The following RALGPS2 variants were observed in gnomAD, a reference collection of about 807,000 sequenced individuals.
RALGPS2 encodes the protein ras-specific guanine nucleotide-releasing factor RalGPS2.
In RALGPS2, 43 loss-of-function variants were observed where a neutral mutation model predicts 86.8. That is an observed-to-expected ratio of 0.50 (90% CI 0.39 to 0.64). The LOEUF is 0.64. Among genes scored for constraint, RALGPS2 ranks in the 30% least tolerant of loss-of-function variants. The pLI is 0.00. For missense variants in RALGPS2, 536 were observed against 694.6 expected, an observed-to-expected ratio of 0.77 and a Z score of 2.57; for synonymous variants, 243 against 231.3, an observed-to-expected ratio of 1.05 and a Z score of -0.46.
At chr1:178,781,494 TC>T (rs1653392981) in intron 2 of RALGPS2, among the ~76,000 whole-genome samples, 3 of 152,200 alleles carry the variant, frequency 2.0e-5, no homozygotes, top group African/African-American at 4.8e-5. Context: ...TTATTGCTAT[TC>T]TCCTGGTGAA....
chr1:178,765,287 G>A (rs1652443637), intron 1 of RALGPS2, among the ~76,000 whole-genome samples: 1 of 151,892 alleles, frequency 6.6e-6, no homozygotes, highest in African/African-American at 2.4e-5. Flanking sequence ...ATGTCGGCCA[G>A]TCTGAGAAAT....
At chr1:178,783,781 G>A (rs1178298438) in intron 2 of RALGPS2, among the ~76,000 whole-genome samples, 1 of 152,166 alleles carries the variant, frequency 6.6e-6, no homozygotes, top group East Asian at 1.9e-4. Context: ...CACAGACGAA[G>A]TGGAAAATTT....
At chr1:178,740,505 G>T (rs1173975983) in intron 1 of RALGPS2, among the ~76,000 whole-genome samples, 1 of 152,192 alleles carries the variant, frequency 6.6e-6, no homozygotes, top group Non-Finnish European at 1.5e-5. Context: ...AGATGTGTTG[G>T]TGTAGAGTCC....
intron 2 of RALGPS2, among the ~76,000 whole-genome samples, chr1:178,783,211 G>A (rs1558117506): frequency 1.3e-5 from 2 of 152,124 alleles, no homozygotes; most frequent in Non-Finnish European, 2.9e-5. Flanking sequence ...CAAAAACGAA[G>A]AATGCCTTTG....
chr1:178,834,971 T>C (rs183644528), intron 8 of RALGPS2, among the ~76,000 whole-genome samples: 46 of 152,180 alleles, frequency 3.0e-4, no homozygotes, highest in African/African-American at 1.0e-3. Context: ...AGAGACAGGG[T>C]TTCGCCATGT....
intron 1 of RALGPS2, among the ~76,000 whole-genome samples, chr1:178,748,586 C>T (rs1651471981): frequency 6.6e-6 from 1 of 150,510 alleles, no homozygotes; most frequent in Non-Finnish European, 1.5e-5. Context: ...GGCACGGTGG[C>T]TCACGCCTGT....
intron 8 of RALGPS2, among the ~76,000 whole-genome samples, chr1:178,866,001 G>C (rs1658380884): frequency 6.6e-6 from 1 of 152,056 alleles, no homozygotes; most frequent in South Asian, 2.1e-4. Flanking sequence ...TAAAGATTAG[G>C]TTTCAGAGAA....
At chr1:178,892,480 A>G (rs148759309) in intron 15 of RALGPS2, among the ~76,000 whole-genome samples, 173 bp downstream of exon 15, 40 of 152,266 alleles carry the variant, frequency 2.6e-4, no homozygotes, top group African/African-American at 8.2e-4. Context: ...ATAAATTTCA[A>G]CTATTCTTTC....
At chr1:178,785,764 G>A (rs770271168) in intron 4 of RALGPS2, among the ~76,000 whole-genome samples, 157 bp downstream of exon 4, 9 of 151,984 alleles carry the variant, frequency 5.9e-5, no homozygotes, top group African/African-American at 9.7e-5. Context: ...AGAAACCCAC[G>A]TGGCATTCAT....
rs535463259 is a variant in RALGPS2, at chr1:178,887,306, A to G, written c.1192+1186A>G. Among the ~76,000 whole-genome samples the G allele has an allele frequency of 1.8e-4, 28 of 152,212 alleles. No homozygotes were observed. In the South Asian group the frequency reaches 4.8e-3, roughly 26 times the overall value. On this transcript the variant is annotated intron_variant, in intron 13 of 19. Transcript: ENST00000367635. The stretch of plus-strand genomic sequence containing the variant: ...CATCTCTACTAAAAATACAAAAAGT[A>G]GCAGGGCGTGGTGGTGCATGCCTGT...
At position 178,892,300 on chromosome 1, in the gene RALGPS2, G is replaced by T; in HGVS notation, c.1318G>T (p.Ala440Ser). 2 of 1,612,364 alleles carry T rather than the reference G, an allele frequency of 1.2e-6. No homozygotes were observed. ...ARNGYRSHMK[A>S]SSSAESEDLA... ...AAATGGCTATCGAAGTCACATGAAG[G>T]CCAGCAGGTACAATTCCCCTGCATT... Residue 440 changes from alanine (A) to serine (S), a missense_variant, in exon 15 of 20, where the codon GCC (alanine) becomes TCC (serine). Ala to Ser is a moderately conservative substitution (Grantham distance 99, BLOSUM62 1). Around this residue, in one of 3 missense-constraint regions of RALGPS2, gnomAD observed 309 missense variants for 363.0 expected, o/e 0.85. Transcript: ENST00000367635.
chr1:178,784,829 G>T lies in RALGPS2; in HGVS notation c.162+307G>T, dbSNP rs1653572400. Among the ~76,000 whole-genome samples, 3 of 151,766 alleles carry T rather than the reference G, an allele frequency of 2.0e-5. No homozygotes were observed. The South Asian group carries it at 6.2e-4, about 31-fold the overall frequency. ...CATTTCTCTAAGCCAACTGTATTTTGTTGACATATCTAAGAAACATTTTCA... is the reference window on the plus strand; with the variant it reads ...CATTTCTCTAAGCCAACTGTATTTTTTTGACATATCTAAGAAACATTTTCA... On this transcript the variant is annotated intron_variant, in intron 3 of 19. Coordinates refer to ENST00000367635, the MANE Select transcript of RALGPS2 (RefSeq NM_152663.5).
intron 16 of RALGPS2, among the ~76,000 whole-genome samples, chr1:178,894,704 C>T (rs539318700): frequency 1.3e-5 from 2 of 152,012 alleles, no homozygotes; most frequent in Admixed American, 1.3e-4. Context: ...TAACTGAAAC[C>T]ACAGATAAGA....
chr1:178,815,101 G>A (rs1286615024), intron 6 of RALGPS2, among the ~76,000 whole-genome samples: 1 of 151,804 alleles, frequency 6.6e-6, no homozygotes, highest in Non-Finnish European at 1.5e-5. Flanking sequence ...TATTTATTTT[G>A]ATGGATTCTC....
chr1:178,741,878 C>G (rs1313050718), intron 1 of RALGPS2, among the ~76,000 whole-genome samples: 1 of 152,120 alleles, frequency 6.6e-6, no homozygotes, highest in Non-Finnish European at 1.5e-5. Context: ...TGGCTCACGC[C>G]TGTAATCCCA....
intron 17 of RALGPS2, among the ~76,000 whole-genome samples, chr1:178,901,642 C>T (rs1418746406): frequency 7.3e-5 from 11 of 150,530 alleles, no homozygotes; most frequent in Non-Finnish European, 4.4e-5. Flanking sequence ...GAGCTGAGAT[C>T]ACACCACTGC....
At chr1:178,805,609 G>C (rs962528532) in intron 4 of RALGPS2, among the ~76,000 whole-genome samples, 26 of 151,970 alleles carry the variant, frequency 1.7e-4, no homozygotes, top group African/African-American at 5.8e-4. Context: ...CTTCTTTGAG[G>C]AATTTATGTC....
chr1:178,867,459 G>T (rs1361507929), intron 8 of RALGPS2, among the ~76,000 whole-genome samples: 1 of 152,008 alleles, frequency 6.6e-6, no homozygotes, highest in Non-Finnish European at 1.5e-5. Context: ...CTGAAGTAAT[G>T]CTGTATCATT....
At chr1:178,752,897 A>G (rs1476047077) in intron 1 of RALGPS2, among the ~76,000 whole-genome samples, 1 of 152,134 alleles carries the variant, frequency 6.6e-6, no homozygotes, top group Non-Finnish European at 1.5e-5. Context: ...TTTTCTGTTT[A>G]TGTATGTATC....
Sources: gnomAD v4.1 joint callset for allele counts (sites outside exome capture counted in the v4.1 genomes callset) on GRCh38, gnomAD v4.1.1 for gene constraint, gnomAD v4.1.1 regional missense constraint, MANE v1.5 for transcripts, NCBI Gene and HGNC (gene_info 2026-07-23, HGNC 2026-07-21) for gene names.